Variants in SIPA1L3 observed in about 807,000 individuals in gnomAD.
The protein encoded by SIPA1L3 is signal-induced proliferation-associated 1-like protein 3.
Under a neutral mutation model 150.1 loss-of-function variants are expected in SIPA1L3, and 59 were observed. That is an observed-to-expected ratio of 0.39 (90% CI 0.32 to 0.49). The LOEUF (loss-of-function observed/expected upper bound fraction) is 0.49, where lower values mean the gene tolerates loss of function less well. Ranked by LOEUF, SIPA1L3 falls within the 20% of genes least tolerant of loss-of-function variation. The probability of loss-of-function intolerance (pLI) is 0.86; values close to 1 mark genes in which losing one functional copy is unlikely to be tolerated. For synonymous variants in SIPA1L3, 1,070 were observed against 1,077.6 expected (o/e 0.99, Z 0.14); for missense variants, 2,211 against 2,489.5 (o/e 0.89, Z 2.38).
chr19:38,106,571 G>T lies in SIPA1L3; in HGVS notation c.2064G>T (p.Met688Ile), dbSNP rs776612848. 1 of 1,613,868 alleles carries T rather than the reference G, an allele frequency of 6.2e-7. No homozygotes were observed. The highest frequency in any genetic ancestry group is 1.1e-5 in the South Asian group (1 of 91,084). The change falls in exon 7 of 22, where the codon ATG becomes ATT. Residue 688 changes from methionine to isoleucine, a missense_variant. Physicochemically the swap from Met to Ile is conservative, Grantham distance 10 (BLOSUM62 1). Coordinates refer to ENST00000222345, the MANE Select transcript of SIPA1L3 (RefSeq NM_015073.3). ...DSTGTHSLYT[M>I]YQDYEIMFHV... ...CGGGAACCCACTCCCTCTACACGAT[G>T]TACCAGGACTACGAGATCATGTTCC...
At chr19:37,923,573 G>A (rs184780335) in intron 1 of SIPA1L3, among the ~76,000 whole-genome samples, 33 of 152,330 alleles carry the variant, frequency 2.2e-4, no homozygotes, top group Non-Finnish European at 2.8e-4. Flanking sequence ...AGGTGAGTCA[G>A]TGAGTGAGTG....
chr19:38,001,777 C>G (rs1440739116), intron 1 of SIPA1L3, among the ~76,000 whole-genome samples: 1 of 152,186 alleles, frequency 6.6e-6, no homozygotes, highest in African/African-American at 2.4e-5. Context: ...ATAAAATGTA[C>G]ATAACACAAA....
chr19:38,135,930 C>T (rs912726981), intron 10 of SIPA1L3, among the ~76,000 whole-genome samples: 3 of 151,934 alleles, frequency 2.0e-5, no homozygotes, highest in Admixed American at 6.6e-5. Context: ...GAAGTGCCCT[C>T]GCTGCCACCA....
At chr19:38,059,138 C>A (rs1277997636) in intron 2 of SIPA1L3, among the ~76,000 whole-genome samples, 4 of 150,642 alleles carry the variant, frequency 2.7e-5, no homozygotes, top group African/African-American at 9.8e-5. Flanking sequence ...GTAGCTGAGT[C>A]TACAGGTGCA....
At position 38,081,734 on chromosome 19, in the gene SIPA1L3, GCCA is replaced by G; in HGVS notation, c.172_174del (p.Thr58del). ...GCCTCTTGGCGAGAGCCCGGCCACCGCCACCGCCACCGCCACCGCCACCACCCG... is the reference window on the plus strand; with the variant it reads ...GCCTCTTGGCGAGAGCCCGGCCACCGCCGCCACCGCCACCGCCACCACCCG... On this transcript the variant is annotated inframe_deletion, in exon 3 of 22. Coordinates refer to ENST00000222345, the MANE Select transcript of SIPA1L3 (RefSeq NM_015073.3). 2 of 1,588,496 alleles carry G rather than the reference GCCA, an allele frequency of 1.3e-6. No individual in the cohort carries two copies. Among genetic ancestry groups the G allele is most frequent in the Non-Finnish European group, 1.7e-6 (2 of 1,169,920 alleles).
At chr19:38,143,166 A>C (rs1201637697) in intron 12 of SIPA1L3, among the ~76,000 whole-genome samples, 2 of 151,942 alleles carry the variant, frequency 1.3e-5, no homozygotes, top group Admixed American at 6.6e-5. Flanking sequence ...GATCTCCCCA[A>C]ACCCTCCATG....
intron 1 of SIPA1L3, among the ~76,000 whole-genome samples, chr19:37,941,087 T>TACAC (rs59368800): frequency 0.11 from 13,766 of 128,508 alleles, 752 homozygotes; most frequent in Non-Finnish European, 0.13. Flanking sequence ...CACACACACA[T>TACAC]ACACACACAC....
intron 2 of SIPA1L3, among the ~76,000 whole-genome samples, chr19:38,038,588 C>CTAA (rs1968842778): frequency 8.2e-6 from 1 of 121,796 alleles, no homozygotes; most frequent in Admixed American, 8.5e-5. Context: ...GACTCCGTCT[C>CTAA]AAAAAAAAAA....
intron 7 of SIPA1L3, chr19:38,109,930 C>T (rs1480661437): frequency 1.4e-5 from 5 of 355,178 alleles, no homozygotes; most frequent in Admixed American, 7.5e-5. Context: ...TTATGCAAGA[C>T]CAGAAGAGGT....
intron 1 of SIPA1L3, among the ~76,000 whole-genome samples, chr19:37,935,185 A>T (rs2046589767): frequency 6.6e-6 from 1 of 152,184 alleles, no homozygotes; most frequent in African/African-American, 2.4e-5. Flanking sequence ...AGCATTTTTT[A>T]AATGCTTTTT....
intron 2 of SIPA1L3, among the ~76,000 whole-genome samples, chr19:38,066,830 A>G (rs1288922610): frequency 1.3e-5 from 2 of 151,648 alleles, no homozygotes; most frequent in African/African-American, 2.4e-5. Context: ...CATCTCAAAA[A>G]AGTAAAAATA....
intron 4 of SIPA1L3, among the ~76,000 whole-genome samples, chr19:38,099,593 C>T (rs534653243): frequency 1.7e-4 from 26 of 152,248 alleles, no homozygotes; most frequent in Middle Eastern, 3.4e-3. Context: ...GGTCTTTGTT[C>T]ATTGCACCTA....
intron 13 of SIPA1L3, among the ~76,000 whole-genome samples, chr19:38,161,452 C>T (rs1972085905): frequency 2.6e-5 from 4 of 151,434 alleles, no homozygotes; most frequent in Admixed American, 1.3e-4. Context: ...GGGCCGGGTG[C>T]GGTAGCTCAC....
At chr19:37,934,909 G>A (rs1005755603) in intron 1 of SIPA1L3, among the ~76,000 whole-genome samples, 1 of 152,200 alleles carries the variant, frequency 6.6e-6, no homozygotes, top group Admixed American at 6.5e-5. Flanking sequence ...ACACAGTGGT[G>A]TGGATGCACC....
intron 16 of SIPA1L3, among the ~76,000 whole-genome samples, chr19:38,191,821 A>G (rs926289970): frequency 1.3e-5 from 2 of 152,108 alleles, no homozygotes; most frequent in Non-Finnish European, 2.9e-5. Context: ...AAACAACAAA[A>G]AAAAGCCTCT....
chr19:38,196,433 G>GGTGGA (rs1276727687), intron 18 of SIPA1L3, among the ~76,000 whole-genome samples: 9 of 150,832 alleles, frequency 6.0e-5, no homozygotes, highest in African/African-American at 2.0e-4. Context: ...GGAGGTCAAG[G>GGTGGA]GCAGAGCAAG....
intron 4 of SIPA1L3, among the ~76,000 whole-genome samples, chr19:38,094,862 T>A (rs1970342743): frequency 6.6e-6 from 1 of 151,982 alleles, no homozygotes; most frequent in African/African-American, 2.4e-5. Context: ...AGGTCAGGGG[T>A]TCGAGACCAG....
At position 38,066,258 on chromosome 19, in the gene SIPA1L3, T is replaced by A. The variant is rs530908695; in HGVS notation, c.-310-14998T>A. On this transcript the variant is annotated intron_variant, in intron 2 of 21. Coordinates refer to ENST00000222345, the MANE Select transcript of SIPA1L3 (RefSeq NM_015073.3). The stretch of plus-strand genomic sequence containing the variant: ...GTCTCGAACTACCACCCTCAAGGGA[T>A]CCTCTTGCCTCAGCCTCCCAAAGGG... 3.3e-5 allele frequency among the ~76,000 whole-genome samples: 5 copies of A among 152,210 alleles called. No homozygotes were observed. The East Asian group carries it at 7.7e-4, about 24-fold the overall frequency.
intron 1 of SIPA1L3, among the ~76,000 whole-genome samples, chr19:37,941,631 C>T (rs1276029625): frequency 2.6e-5 from 4 of 152,070 alleles, no homozygotes; most frequent in Non-Finnish European, 5.9e-5. Flanking sequence ...TACCTTTGAC[C>T]GGGTGGGGCC....
Sources: allele counts gnomAD v4.1 joint callset (sites outside exome capture counted in the v4.1 genomes callset), GRCh38; gene constraint gnomAD v4.1.1; transcripts MANE v1.5; gene names NCBI Gene and HGNC (gene_info 2026-07-23, HGNC 2026-07-21).